Variants in HS2ST1 observed in about 807,000 individuals in gnomAD.
HS2ST1 encodes 2-O-sulfotransferase.
HS2ST1 carries 18 observed loss-of-function variants against 42.9 expected under a neutral mutation model. That is an observed-to-expected ratio of 0.42 (90% CI 0.29 to 0.62). The LOEUF (loss-of-function observed/expected upper bound fraction) is 0.62, where lower values mean the gene tolerates loss of function less well. Ranked by LOEUF, HS2ST1 falls within the 20% of genes least tolerant of loss-of-function variation. HS2ST1 has a pLI of 0.21. For synonymous variants in HS2ST1, 146 were observed against 152.9 expected (o/e 0.95, Z 0.33); for missense variants, 334 against 433.8 (o/e 0.77, Z 2.04).
At chr1:87,033,704 A>G (rs141937548) in intron 1 of HS2ST1, among the ~76,000 whole-genome samples, 83 of 152,076 alleles carry the variant, frequency 5.5e-4, no homozygotes, top group African/African-American at 1.9e-3. Flanking sequence ...CACCACGTCC[A>G]GCTGATTTTT....
At chr1:87,090,840 C>G (rs981983334) in intron 3 of HS2ST1, among the ~76,000 whole-genome samples, 1 of 151,970 alleles carries the variant, frequency 6.6e-6, no homozygotes, top group Non-Finnish European at 1.5e-5. Flanking sequence ...CTCAAAACAC[C>G]TGGCACTTAG....
At chr1:87,060,670 A>T (rs951408338) in intron 1 of HS2ST1, among the ~76,000 whole-genome samples, 6 of 152,140 alleles carry the variant, frequency 3.9e-5, no homozygotes, top group African/African-American at 1.4e-4. Flanking sequence ...CTATTTTTTC[A>T]TGTAGGTGAT....
At chr1:87,078,390 C>T (rs1651599250) in intron 2 of HS2ST1, among the ~76,000 whole-genome samples, 1 of 152,116 alleles carries the variant, frequency 6.6e-6, no homozygotes. Flanking sequence ...TCCTTAAGGT[C>T]TCTTCTTATT....
At chr1:87,000,487 A>G (rs1321606835) in intron 1 of HS2ST1, among the ~76,000 whole-genome samples, 1 of 152,194 alleles carries the variant, frequency 6.6e-6, no homozygotes, top group African/African-American at 2.4e-5. Flanking sequence ...TTTCCAAATT[A>G]TGCCCACTTC....
Position 86,990,768 on chromosome 1 carries a change from G to A in HS2ST1, c.124+75608G>A, listed in dbSNP as rs531403418. Among the ~76,000 whole-genome samples the A allele has an allele frequency of 7.2e-3, 964 of 134,712 alleles. 7 individuals are homozygous for A. The highest frequency in any genetic ancestry group is 0.012 in the Non-Finnish European group (763 of 63,982). The allele number at this position is 134,712 out of a possible 152,430, so 88.4% of individuals were successfully genotyped here. ...AAGCGATTCTCCTGCCTCACCTCCC[G>A]AGTAACTGGGATTACAGGCATATGC... On this transcript the variant is annotated intron_variant, in intron 1 of 6. Transcript: ENST00000370550.
At chr1:87,057,259 A>G (rs908109070) in intron 1 of HS2ST1, among the ~76,000 whole-genome samples, 15 of 152,190 alleles carry the variant, frequency 9.9e-5, no homozygotes, top group Non-Finnish European at 2.9e-5. Flanking sequence ...AACCCACATA[A>G]ACCAAAGCTC....
intron 1 of HS2ST1, among the ~76,000 whole-genome samples, chr1:87,022,920 C>T (rs1051058768): frequency 6.6e-6 from 1 of 152,264 alleles, no homozygotes; most frequent in Non-Finnish European, 1.5e-5. Flanking sequence ...TGGCTTGTGA[C>T]ACATGTGAGC....
chr1:87,103,449 G>A lies in HS2ST1; in HGVS notation c.704G>A (p.Trp235Ter). 6.3e-7 allele frequency: 1 copy of A among 1,599,966 alleles called. No homozygotes were observed. Among genetic ancestry groups the A allele is most frequent in the African/African-American group, 1.4e-5 (1 of 74,038 alleles). Residue 235 changes from tryptophan to a stop codon, truncating the protein, a stop_gained, in exon 6 of 7, where the codon TGG becomes TAG. Coordinates refer to ENST00000370550, the MANE Select transcript of HS2ST1 (RefSeq NM_012262.4). LOFTEE classifies it high-confidence loss of function. Reference sequence around the variant, plus strand: ...GGTTTCAGGAATGTGGGAAGCAGGTGGGCTATGGATCAAGCCAAGTATAAC... The same window carrying A: ...GGTTTCAGGAATGTGGGAAGCAGGTAGGCTATGGATCAAGCCAAGTATAAC... ...SSECWNVGSR[W>*]AMDQAKYNLI...
At chr1:86,998,369 T>A (rs968405512) in intron 1 of HS2ST1, among the ~76,000 whole-genome samples, 1 of 152,222 alleles carries the variant, frequency 6.6e-6, no homozygotes, top group Non-Finnish European at 1.5e-5. Context: ...GAGAATTATT[T>A]TTTAAAGTAA....
At chr1:86,925,866 A>G (rs958135417) in intron 1 of HS2ST1, among the ~76,000 whole-genome samples, 2 of 152,006 alleles carry the variant, frequency 1.3e-5, no homozygotes, top group Non-Finnish European at 2.9e-5. Flanking sequence ...GTTGCTTTCT[A>G]TTGATTTGCT....
At chr1:87,055,481 T>A (rs1284561557) in intron 1 of HS2ST1, among the ~76,000 whole-genome samples, 2 of 152,234 alleles carry the variant, frequency 1.3e-5, no homozygotes, top group African/African-American at 4.8e-5. Flanking sequence ...CAAGTCTTAA[T>A]CCTCACTATG....
intron 5 of HS2ST1, among the ~76,000 whole-genome samples, chr1:87,099,907 C>T (rs1005000706): frequency 2.0e-5 from 3 of 152,248 alleles, no homozygotes; most frequent in African/African-American, 7.2e-5. Flanking sequence ...GTCATTAAAT[C>T]TTAAAGCTCC....
chr1:87,051,501 T>C (rs1329690366), intron 1 of HS2ST1, among the ~76,000 whole-genome samples: 1 of 152,238 alleles, frequency 6.6e-6, no homozygotes, highest in Non-Finnish European at 1.5e-5. Flanking sequence ...CAAATTATTT[T>C]AAAGTAGATA....
intron 1 of HS2ST1, among the ~76,000 whole-genome samples, chr1:87,072,206 C>G (rs145238211): frequency 2.6e-4 from 39 of 152,104 alleles, no homozygotes; most frequent in African/African-American, 9.4e-4. Flanking sequence ...GTTTCTAATG[C>G]AACACCAAAA....
At chr1:86,973,592 A>G (rs1176661259) in intron 1 of HS2ST1, among the ~76,000 whole-genome samples, 1 of 152,184 alleles carries the variant, frequency 6.6e-6, no homozygotes, top group African/African-American at 2.4e-5. Flanking sequence ...ATGCCAGTAC[A>G]TTGTTGATTG....
At chr1:87,048,079 A>G (rs1650733313) in intron 1 of HS2ST1, among the ~76,000 whole-genome samples, 1 of 151,988 alleles carries the variant, frequency 6.6e-6, no homozygotes, top group Non-Finnish European at 1.5e-5. Flanking sequence ...ATCTATTTAG[A>G]TCTTATTTAA....
At chr1:87,103,360 A>G (rs1389409212) in intron 5 of HS2ST1, 72 bp from the exon 6 acceptor site, 2 of 1,325,934 alleles carry the variant, frequency 1.5e-6, no homozygotes, top group Non-Finnish European at 2.1e-6. Flanking sequence ...TCTGTAATAT[A>G]TGGTGTCAAA....
At chr1:87,044,429 A>T (rs1570507688) in intron 1 of HS2ST1, among the ~76,000 whole-genome samples, 1 of 152,292 alleles carries the variant, frequency 6.6e-6, no homozygotes, top group East Asian at 1.9e-4. Flanking sequence ...GAGTAAATTA[A>T]CATTGTTTTA....
intron 1 of HS2ST1, among the ~76,000 whole-genome samples, chr1:87,021,384 C>A (rs1298762227): frequency 6.6e-6 from 1 of 152,190 alleles, no homozygotes; most frequent in Non-Finnish European, 1.5e-5. Flanking sequence ...TAAATCCCTT[C>A]TTGAGATAAT....
Sources: gnomAD v4.1 joint callset for allele counts (sites outside exome capture counted in the v4.1 genomes callset) on GRCh38, gnomAD v4.1.1 for gene constraint, MANE v1.5 for transcripts, NCBI Gene and HGNC (gene_info 2026-07-23, HGNC 2026-07-21) for gene names.